LRRC4C: variants seen among roughly 807,000 people sequenced by gnomAD.
LRRC4C encodes leucine-rich repeat-containing protein 4C.
LRRC4C carries 5 observed loss-of-function variants against 33.6 expected under a neutral mutation model. The ratio of observed to expected loss-of-function variants is 0.15; its 90% CI spans 0.08 to 0.31. LRRC4C has a LOEUF of 0.31. LRRC4C is among the 10% of genes least tolerant of loss of function. The pLI is 1.00. For synonymous variants in LRRC4C, 329 were observed against 302.0 expected, an observed-to-expected ratio of 1.09 and a Z score of -0.93; for missense variants, 560 against 796.7, an observed-to-expected ratio of 0.70 and a Z score of 3.58.
At chr11:40,537,636 G>T (rs1163058926) in intron 3 of LRRC4C, among the ~76,000 whole-genome samples, 1 of 152,010 alleles carries the variant, frequency 6.6e-6, no homozygotes, top group Non-Finnish European at 1.5e-5. Context: ...TACCCCATCT[G>T]GTTCTCAAAA....
chr11:40,166,814 C>T (rs1015847001), intron 5 of LRRC4C, among the ~76,000 whole-genome samples: 6 of 151,894 alleles, frequency 4.0e-5, no homozygotes, highest in Non-Finnish European at 7.4e-5. Flanking sequence ...TATTGGAGTG[C>T]ATTATATACT....
chr11:40,903,039 A>G (rs750904273), intron 2 of LRRC4C, among the ~76,000 whole-genome samples: 4 of 152,228 alleles, frequency 2.6e-5, no homozygotes, highest in South Asian at 2.1e-4. Flanking sequence ...AGAAGATGCC[A>G]TCTAGGACTT....
intron 1 of LRRC4C, among the ~76,000 whole-genome samples, chr11:41,053,066 T>G (rs969212663): frequency 6.6e-6 from 1 of 152,218 alleles, no homozygotes; most frequent in African/African-American, 2.4e-5. Context: ...CAAGAGCCAT[T>G]GATTCCCATT....
intron 2 of LRRC4C, among the ~76,000 whole-genome samples, chr11:40,854,539 C>T (rs544144522): frequency 6.6e-6 from 1 of 152,200 alleles, no homozygotes; most frequent in Admixed American, 6.5e-5. Context: ...ATTTTCCACT[C>T]CTATCAGCTG....
chr11:40,724,645 C>G (rs1357677950), intron 2 of LRRC4C, among the ~76,000 whole-genome samples: 1 of 152,126 alleles, frequency 6.6e-6, no homozygotes, highest in African/African-American at 2.4e-5. Context: ...CAAATACCTA[C>G]ATCAATACCA....
chr11:41,424,602 C>T (rs1954976755), intron 1 of LRRC4C, among the ~76,000 whole-genome samples: 1 of 151,980 alleles, frequency 6.6e-6, no homozygotes, highest in South Asian at 2.1e-4. Context: ...GGACCAGTTA[C>T]CAAGTACCAA....
chr11:40,597,127 C>T (rs896881380), intron 3 of LRRC4C, among the ~76,000 whole-genome samples: 4 of 152,102 alleles, frequency 2.6e-5, no homozygotes, highest in African/African-American at 9.7e-5. Flanking sequence ...TTCATTCAAC[C>T]TACATTTACA....
chr11:40,377,966 T>C (rs1565329359), intron 3 of LRRC4C, among the ~76,000 whole-genome samples: 1 of 152,102 alleles, frequency 6.6e-6, no homozygotes, highest in Non-Finnish European at 1.5e-5. Flanking sequence ...TCAATACTAC[T>C]GTGGTTGAGA....
chr11:40,261,944 C>T (rs936083618), intron 4 of LRRC4C, among the ~76,000 whole-genome samples: 23 of 152,020 alleles, frequency 1.5e-4, no homozygotes, highest in African/African-American at 3.9e-4. Context: ...ACTAAAACAC[C>T]GAAAGCAATG....
chr11:40,259,455 C>T (rs1480692072), intron 4 of LRRC4C, among the ~76,000 whole-genome samples: 7 of 151,920 alleles, frequency 4.6e-5, no homozygotes, highest in East Asian at 1.9e-4. Context: ...GTTGCCATTG[C>T]TTTTGGTGTT....
At chr11:40,949,683 A>C (rs1477476066) in intron 1 of LRRC4C, among the ~76,000 whole-genome samples, 1 of 152,058 alleles carries the variant, frequency 6.6e-6, no homozygotes, top group Non-Finnish European at 1.5e-5. Flanking sequence ...TTTTGTCACC[A>C]CCAGGCCTGC....
intron 2 of LRRC4C, among the ~76,000 whole-genome samples, chr11:40,872,143 T>A (rs940463553): frequency 1.3e-5 from 2 of 152,054 alleles, no homozygotes; most frequent in African/African-American, 4.8e-5. Flanking sequence ...CATCGGGACA[T>A]CCACCAGTTA....
intron 4 of LRRC4C, chr11:40,292,995 C>T (rs910698181): frequency 4.0e-5 from 6 of 151,874 alleles, no homozygotes; most frequent in African/African-American, 1.5e-4. Context: ...GGAGCAACTT[C>T]CCCCCCACTC....
chr11:40,273,384 C>T (rs1590878519), intron 4 of LRRC4C, among the ~76,000 whole-genome samples: 1 of 152,218 alleles, frequency 6.6e-6, no homozygotes, highest in Non-Finnish European at 1.5e-5. Flanking sequence ...GCATATAATT[C>T]AATAAGTAGA....
chr11:40,484,316 C>T (rs924093365), intron 3 of LRRC4C, among the ~76,000 whole-genome samples: 3 of 151,836 alleles, frequency 2.0e-5, no homozygotes, highest in South Asian at 2.1e-4. Flanking sequence ...AATGCAAATG[C>T]CCATCAATAG....
intron 3 of LRRC4C, among the ~76,000 whole-genome samples, chr11:40,391,296 C>T (rs2137450659): frequency 6.6e-6 from 1 of 152,244 alleles, no homozygotes; most frequent in South Asian, 2.1e-4. Flanking sequence ...AAATGACAAA[C>T]TTTGTTTTTA....
At chr11:40,130,472 C>T (rs941998869) in intron 6 of LRRC4C, among the ~76,000 whole-genome samples, 5 of 152,058 alleles carry the variant, frequency 3.3e-5, no homozygotes, top group African/African-American at 1.2e-4. Flanking sequence ...TTCAAAGCAA[C>T]ATTTTGCAGA....
intron 2 of LRRC4C, among the ~76,000 whole-genome samples, chr11:40,711,824 A>G (rs1403563679): frequency 2.0e-5 from 3 of 152,140 alleles, no homozygotes; most frequent in African/African-American, 7.2e-5. Flanking sequence ...TTTTTAATTT[A>G]TAAGTTGGAA....
At chr11:41,125,999 A>G (rs527658336) in intron 1 of LRRC4C, among the ~76,000 whole-genome samples, 17 of 152,198 alleles carry the variant, frequency 1.1e-4, no homozygotes, top group African/African-American at 3.6e-4. Context: ...AAGAAAATGC[A>G]TTCAATTGAA....
Sources: allele counts gnomAD v4.1 joint callset (sites outside exome capture counted in the v4.1 genomes callset), GRCh38; gene constraint gnomAD v4.1.1; transcripts MANE v1.5; gene names NCBI Gene and HGNC (gene_info 2026-07-23, HGNC 2026-07-21).